LGR4: variants seen among roughly 807,000 people sequenced by gnomAD.
LGR4 encodes leucine-rich repeat-containing G protein-coupled receptor 4.
Under a neutral mutation model 84.8 loss-of-function variants are expected in LGR4, and 44 were observed. The ratio of observed to expected loss-of-function variants is 0.52; its 90% CI spans 0.41 to 0.67. The LOEUF (loss-of-function observed/expected upper bound fraction) is 0.67. Ranked by LOEUF, LGR4 falls within the 30% of genes least tolerant of loss-of-function variation. The probability of loss-of-function intolerance (pLI) is 0.00; values close to 1 mark genes in which losing one functional copy is unlikely to be tolerated. For missense variants in LGR4, 1,032 were observed against 1,131.4 expected (o/e 0.91, Z 1.26); for synonymous variants, 429 against 434.3 (o/e 0.99, Z 0.15).
At chr11:27,447,055 G>A (rs1864403264) in intron 1 of LGR4, among the ~76,000 whole-genome samples, 1 of 149,300 alleles carries the variant, frequency 6.7e-6, no homozygotes, top group African/African-American at 2.5e-5. Context: ...GGAGGGGGGA[G>A]GGATAGCATT....
chr11:27,471,062 G>C (rs1023342824), intron 1 of LGR4, among the ~76,000 whole-genome samples: 1 of 152,064 alleles, frequency 6.6e-6, no homozygotes, highest in Admixed American at 6.5e-5. Context: ...CCTGATTTAA[G>C]CATTCAGCTG....
intron 12 of LGR4, among the ~76,000 whole-genome samples, chr11:27,376,784 G>T (rs1184791169): frequency 6.6e-6 from 1 of 152,140 alleles, no homozygotes; most frequent in African/African-American, 2.4e-5. Context: ...TAAAATGGGA[G>T]AATTAATGCC....
At chr11:27,438,865 T>G (rs1345893932) in intron 1 of LGR4, among the ~76,000 whole-genome samples, 1 of 152,170 alleles carries the variant, frequency 6.6e-6, no homozygotes, top group East Asian at 1.9e-4. Flanking sequence ...AGGCCTTCAG[T>G]CGTGGACTGG....
chr11:27,383,526 C>T (rs1863136399), intron 6 of LGR4, among the ~76,000 whole-genome samples: 1 of 152,142 alleles, frequency 6.6e-6, no homozygotes, highest in Non-Finnish European at 1.5e-5. Flanking sequence ...TTCCTATCCT[C>T]TAATTTAGAT....
chr11:27,377,913 C>T (rs1469593156), intron 11 of LGR4, among the ~76,000 whole-genome samples: 1 of 152,138 alleles, frequency 6.6e-6, no homozygotes, highest in Non-Finnish European at 1.5e-5. Context: ...TCTGCTCCAA[C>T]TTTTCTATGT....
At chr11:27,372,461 TA>T (rs1862905613) in intron 15 of LGR4, 63 bp from the exon 16 acceptor site, 8 of 980,530 alleles carry the variant, frequency 8.2e-6, no homozygotes, top group Admixed American at 5.2e-5. Context: ...TTTTGTTTTG[TA>T]AAAGTATTTT....
At chr11:27,407,841 A>C (rs1863641019) in intron 2 of LGR4, among the ~76,000 whole-genome samples, 1 of 152,088 alleles carries the variant, frequency 6.6e-6, no homozygotes, top group South Asian at 2.1e-4. Context: ...TGCAATATTT[A>C]AAGATTTATC....
chr11:27,472,718 G>A lies in LGR4; in HGVS notation c.-416C>T. On this transcript the variant is annotated 5_prime_UTR_variant, in exon 1 of 18. Transcript: ENST00000379214. ...GCCGTGGCTCTCGCACAAACACCCA[G>A]ACTCTGGCTCGCTGTCTCCCAGCCG... 1 of 361,120 alleles carries A rather than the reference G, an allele frequency of 2.8e-6. No individual in the cohort carries two copies. Among genetic ancestry groups the A allele is most frequent in the Non-Finnish European group, 4.9e-6 (1 of 202,446 alleles). The allele number at this position is 361,120 out of a possible 1,614,324, so 22.4% of individuals were successfully genotyped here.
chr11:27,471,913 AC>A (rs1481116449), intron 1 of LGR4: 1 of 357,072 alleles, frequency 2.8e-6, no homozygotes, highest in Non-Finnish European at 5.0e-6. Flanking sequence ...GCTGGCTCGA[AC>A]CCGGACTAGC....
chr11:27,398,354 A>C (rs1430167802), intron 2 of LGR4, among the ~76,000 whole-genome samples: 1 of 152,210 alleles, frequency 6.6e-6, no homozygotes, highest in Non-Finnish European at 1.5e-5. Context: ...GCAGCTTAAA[A>C]AACAAGAGAG....
At position 27,366,460 on chromosome 11, in the gene LGR4, CATAAG is replaced by C. The variant is rs1376970185; in HGVS notation, c.*1402_*1406del. ...CAACTTGTGTTCTAAAAATAATTTA[CATAAG>C]ATAAAAATTCATTATATGCACAGTA... is the stretch of plus-strand genomic sequence containing the variant. On this transcript the variant is annotated 3_prime_UTR_variant, in exon 18 of 18. Transcript: ENST00000379214. 3 of 152,478 alleles carry C rather than the reference CATAAG, an allele frequency of 2.0e-5. No homozygotes were observed. The highest frequency in any genetic ancestry group is 2.9e-5 in the Non-Finnish European group (2 of 67,946). The allele number at this position is 152,478 out of a possible 1,614,324, so 9.4% of individuals were successfully genotyped here. A position where few individuals can be genotyped will look rare whatever the true frequency, so the allele number is the denominator to read the frequency against.
chr11:27,468,669 G>A (rs1864820699), intron 1 of LGR4, among the ~76,000 whole-genome samples: 1 of 149,840 alleles, frequency 6.7e-6, no homozygotes, highest in Non-Finnish European at 1.5e-5. Flanking sequence ...GAATCCAGTT[G>A]CTTCACTTTT....
At chr11:27,385,827 A>AC (rs59776352) in intron 4 of LGR4, among the ~76,000 whole-genome samples, 1 of 151,662 alleles carries the variant, frequency 6.6e-6, no homozygotes, top group East Asian at 1.9e-4. Flanking sequence ...AAAAAAAAAA[A>AC]GAAACTAAAC....
chr11:27,374,468 A>G (rs928863386), intron 13 of LGR4, among the ~76,000 whole-genome samples: 3 of 152,218 alleles, frequency 2.0e-5, no homozygotes, highest in African/African-American at 7.2e-5. Context: ...GAGAAGACAA[A>G]CAATCAATAT....
intron 17 of LGR4, 97 bp downstream of exon 17, chr11:27,371,518 C>T: frequency 1.2e-6 from 1 of 811,290 alleles, no homozygotes; most frequent in African/African-American, 1.7e-5. Flanking sequence ...TAGTACCATC[C>T]CTATTACAGA....
chr11:27,369,375 T>C (rs1288586982), intron 17 of LGR4, among the ~76,000 whole-genome samples: 1 of 152,186 alleles, frequency 6.6e-6, no homozygotes, highest in Non-Finnish European at 1.5e-5. Context: ...GCTATAAATA[T>C]TTCTTTTATT....
intron 2 of LGR4, among the ~76,000 whole-genome samples, chr11:27,406,584 T>C (rs1244327348): frequency 1.3e-5 from 2 of 152,148 alleles, no homozygotes; most frequent in Non-Finnish European, 2.9e-5. Context: ...TTATGATTTA[T>C]CTGTTTTCAC....
chr11:27,449,679 A>G (rs1356447617), intron 1 of LGR4, among the ~76,000 whole-genome samples: 1 of 152,168 alleles, frequency 6.6e-6, no homozygotes, highest in South Asian at 2.1e-4. Context: ...AAATAAAAAT[A>G]AAGTTTAAAA....
rs780741417 is a variant in LGR4, at chr11:27,369,152, A to AAC, written c.1580-11_1580-10dup. ...ACAGGGCTTAAAAGCACCTAAAAAA[A>AAC]ACACACACAGAGAGAGAGAAATAAA... is the stretch of plus-strand genomic sequence containing the variant. On this transcript the variant is annotated splice_polypyrimidine_tract_variant and intron_variant, in intron 17 of 17. Transcript: ENST00000379214. 1.3e-6 allele frequency: 2 copies of AAC among 1,571,024 alleles called. No homozygotes were observed. Among genetic ancestry groups the AAC allele is most frequent in the Non-Finnish European group, 1.7e-6 (2 of 1,162,490 alleles).
Sources: allele counts gnomAD v4.1 joint callset (sites outside exome capture counted in the v4.1 genomes callset), GRCh38; gene constraint gnomAD v4.1.1; transcripts MANE v1.5; gene names NCBI Gene and HGNC (gene_info 2026-07-23, HGNC 2026-07-21).